XPR1: variants seen among roughly 807,000 people sequenced by gnomAD.
XPR1 encodes solute carrier family 53 member 1.
Under a neutral mutation model 87.5 loss-of-function variants are expected in XPR1, and 28 were observed. The observed-to-expected ratio is 0.32, with a 90% CI of 0.24 to 0.44. XPR1 has a LOEUF of 0.44. XPR1 is among the 20% of genes least tolerant of loss of function. The pLI is 1.00. For synonymous variants in XPR1, 300 were observed against 306.1 expected (o/e 0.98, Z 0.21); for missense variants, 559 against 862.3 (o/e 0.65, Z 4.41).
intron 4 of XPR1, among the ~76,000 whole-genome samples, chr1:180,803,975 T>C (rs961463004): frequency 5.9e-5 from 9 of 151,940 alleles, no homozygotes; most frequent in Admixed American, 3.3e-4. Context: ...CTTTTCTTTT[T>C]TTTCCTTTCT....
chr1:180,805,073 G>C (rs3002115), intron 4 of XPR1, among the ~76,000 whole-genome samples: 28,393 of 152,054 alleles, frequency 0.19, 3,077 homozygotes, highest in Middle Eastern at 0.31. Context: ...TCTATTCTTT[G>C]GGGGTCATCT....
At chr1:180,754,882 C>T (rs920075168) in intron 2 of XPR1, among the ~76,000 whole-genome samples, 18 of 151,758 alleles carry the variant, frequency 1.2e-4, no homozygotes, top group Admixed American at 1.3e-4. Context: ...TAATTTAGTC[C>T]GAAAGCCGAG....
At chr1:180,786,403 C>T (rs1344169554) in intron 2 of XPR1, among the ~76,000 whole-genome samples, 1 of 151,964 alleles carries the variant, frequency 6.6e-6, no homozygotes, top group Non-Finnish European at 1.5e-5. Context: ...TTGGGGGACC[C>T]GGGGCTCAGA....
rs180672637 is a variant in XPR1 at position 180,642,548 on chromosome 1, A to T, written c.69+10278A>T. ...TAAGGTAGGTTTTGTTATCCCCATT[A>T]TAAGAAGATACTGAGTCTGAGATGA... On this transcript the variant is annotated intron_variant, in intron 1 of 14. Transcript: ENST00000367590. Among the ~76,000 whole-genome samples the T allele has an allele frequency of 9.9e-5, 15 of 152,222 alleles. No individual in the cohort carries two copies. The East Asian group carries it at 2.5e-3, about 25-fold the overall frequency.
intron 2 of XPR1, among the ~76,000 whole-genome samples, chr1:180,781,505 TATAAAA>T (rs1205844284): frequency 6.6e-6 from 1 of 151,804 alleles, no homozygotes; most frequent in Non-Finnish European, 1.5e-5. Flanking sequence ...ACATTATTAG[TATAAAA>T]ATAAAAATAT....
At chr1:180,702,743 T>G (rs1028204906) in intron 2 of XPR1, among the ~76,000 whole-genome samples, 1 of 152,140 alleles carries the variant, frequency 6.6e-6, no homozygotes, top group Non-Finnish European at 1.5e-5. Context: ...GTTTCTTTAA[T>G]ATTATTTTGA....
chr1:180,715,154 A>G (rs183541252), intron 2 of XPR1, among the ~76,000 whole-genome samples: 279 of 152,366 alleles, frequency 1.8e-3, no homozygotes, highest in Admixed American at 3.1e-3. Flanking sequence ...TGGTTGTTTG[A>G]ATGTAATATA....
intron 2 of XPR1, among the ~76,000 whole-genome samples, chr1:180,683,524 C>G (rs1165814218): frequency 1.3e-5 from 2 of 152,020 alleles, no homozygotes; most frequent in East Asian, 1.9e-4. Context: ...AGTTGTAGAT[C>G]CCTGAGGAAT....
At chr1:180,735,707 A>G (rs1658706936) in intron 2 of XPR1, among the ~76,000 whole-genome samples, 1 of 152,256 alleles carries the variant, frequency 6.6e-6, no homozygotes, top group East Asian at 1.9e-4. Context: ...TAAATAAGAT[A>G]GTTAAGAATA....
At chr1:180,686,113 T>C (rs938665090) in intron 2 of XPR1, among the ~76,000 whole-genome samples, 2 of 152,202 alleles carry the variant, frequency 1.3e-5, no homozygotes, top group Non-Finnish European at 2.9e-5. Flanking sequence ...TGCTTTCTCT[T>C]GTGGGCATTT....
chr1:180,818,220 C>T (rs1468140939), intron 7 of XPR1, among the ~76,000 whole-genome samples: 1 of 151,876 alleles, frequency 6.6e-6, no homozygotes, highest in African/African-American at 2.4e-5. Flanking sequence ...TATACACATA[C>T]ATTACTTGTT....
intron 2 of XPR1, among the ~76,000 whole-genome samples, chr1:180,690,769 A>G (rs1344140296): frequency 3.3e-5 from 5 of 150,620 alleles, no homozygotes; most frequent in Non-Finnish European, 7.4e-5. Flanking sequence ...AAATTTTTAT[A>G]TCTAGTATCC....
chr1:180,653,270 G>C (rs931688670), intron 1 of XPR1, among the ~76,000 whole-genome samples: 1 of 152,114 alleles, frequency 6.6e-6, no homozygotes, highest in African/African-American at 2.4e-5. Context: ...GAATATTGTA[G>C]AGGTAAAAAT....
chr1:180,669,807 G>A (rs1366599679), intron 1 of XPR1, among the ~76,000 whole-genome samples: 1 of 152,034 alleles, frequency 6.6e-6, no homozygotes, highest in Non-Finnish European at 1.5e-5. Flanking sequence ...TTATAAATTA[G>A]ACACAGTAAG....
intron 1 of XPR1, among the ~76,000 whole-genome samples, chr1:180,655,911 G>C (rs1655447154): frequency 6.6e-6 from 1 of 151,450 alleles, no homozygotes; most frequent in Non-Finnish European, 1.5e-5. Flanking sequence ...TATTTGTCAG[G>C]GTAAATGAGG....
At chr1:180,653,125 C>T (rs1259701899) in intron 1 of XPR1, among the ~76,000 whole-genome samples, 1 of 152,192 alleles carries the variant, frequency 6.6e-6, no homozygotes, top group East Asian at 1.9e-4. Flanking sequence ...ACTAGATGAA[C>T]AACACAGTGT....
intron 1 of XPR1, among the ~76,000 whole-genome samples, chr1:180,650,236 CT>C (rs907213486): frequency 4.7e-5 from 7 of 149,892 alleles, no homozygotes; most frequent in African/African-American, 1.2e-4. Flanking sequence ...GTCCCCCCAA[CT>C]TTTTTTTTTC....
intron 1 of XPR1, among the ~76,000 whole-genome samples, chr1:180,634,259 T>C (rs1056660914): frequency 1.3e-5 from 2 of 152,226 alleles, no homozygotes; most frequent in African/African-American, 2.4e-5. Context: ...GAAAAATTCG[T>C]TTATTGTGGA....
intron 7 of XPR1, among the ~76,000 whole-genome samples, chr1:180,816,211 A>T (rs76945383): frequency 6.6e-6 from 1 of 152,292 alleles, no homozygotes; most frequent in African/African-American, 2.4e-5. Context: ...TTTCAAGGTG[A>T]AACCCTTCCA....
Sources: gnomAD v4.1 joint callset for allele counts (sites outside exome capture counted in the v4.1 genomes callset) on GRCh38, gnomAD v4.1.1 for gene constraint, MANE v1.5 for transcripts, NCBI Gene and HGNC (gene_info 2026-07-23, HGNC 2026-07-21) for gene names.